The following ATP8A2 variants were observed in gnomAD, a reference collection of about 807,000 sequenced individuals.
ATP8A2 encodes the protein phospholipid-transporting ATPase IB.
A neutral mutation model predicts 165.6 loss-of-function variants in ATP8A2; 100 were observed. The ratio of observed to expected loss-of-function variants is 0.60; its 90% CI spans 0.51 to 0.71. The LOEUF is 0.71. Among genes scored for constraint, ATP8A2 ranks in the 30% least tolerant of loss-of-function variants. ATP8A2 has a pLI of 0.00. For missense variants in ATP8A2, 1,227 were observed against 1,479.5 expected (o/e 0.83, Z 2.80); for synonymous variants, 543 against 548.8 (o/e 0.99, Z 0.15).
chr13:25,450,960 T>C (rs1380244081), intron 1 of ATP8A2, among the ~76,000 whole-genome samples: 1 of 152,106 alleles, frequency 6.6e-6, no homozygotes, highest in Non-Finnish European at 1.5e-5. Context: ...TTGGTGATCA[T>C]TGAGCTTCTG....
At chr13:25,781,227 CCACTG>C (rs1204889399) in intron 27 of ATP8A2, among the ~76,000 whole-genome samples, 1 of 152,084 alleles carries the variant, frequency 6.6e-6, no homozygotes, top group African/African-American at 2.4e-5. Flanking sequence ...CGAGATCGTG[CCACTG>C]CACTCCAGCC....
intron 27 of ATP8A2, among the ~76,000 whole-genome samples, chr13:25,821,758 A>G (rs536948569): frequency 6.6e-6 from 1 of 152,314 alleles, no homozygotes; most frequent in African/African-American, 2.4e-5. Flanking sequence ...TGGGCCTTGT[A>G]GGATGTTTAG....
chr13:25,966,908 A>G (rs2139203609), intron 34 of ATP8A2, among the ~76,000 whole-genome samples: 1 of 152,190 alleles, frequency 6.6e-6, no homozygotes, highest in Admixed American at 6.5e-5. Flanking sequence ...GGGAAAGGGG[A>G]TAGGGAGAGA....
At chr13:25,782,906 A>AT (rs2044919906) in intron 27 of ATP8A2, among the ~76,000 whole-genome samples, 1 of 151,740 alleles carries the variant, frequency 6.6e-6, no homozygotes, top group African/African-American at 2.4e-5. Flanking sequence ...CACCTGGCTA[A>AT]TTTTTTGTAT....
At chr13:25,736,564 C>T (rs1305286971) in intron 25 of ATP8A2, among the ~76,000 whole-genome samples, 1 of 152,128 alleles carries the variant, frequency 6.6e-6, no homozygotes, top group South Asian at 2.1e-4. Context: ...AATGAAGGGT[C>T]AGTGTAACTT....
At chr13:25,728,332 G>T (rs2043539866) in intron 25 of ATP8A2, among the ~76,000 whole-genome samples, 1 of 152,156 alleles carries the variant, frequency 6.6e-6, no homozygotes, top group South Asian at 2.1e-4. Flanking sequence ...TTTCTCATGG[G>T]TGAAGTGAGG....
At chr13:25,603,225 C>T (rs563446353) in intron 24 of ATP8A2, among the ~76,000 whole-genome samples, 7 of 151,686 alleles carry the variant, frequency 4.6e-5, no homozygotes, top group African/African-American at 1.2e-4. Flanking sequence ...CGGTGGCTCA[C>T]GCCTGTAATC....
rs988473489 is a variant in ATP8A2, at chr13:25,897,775, T to A, written c.3183+35367T>A. The stretch of plus-strand genomic sequence containing the variant: ...CTCTAAACTTCTCTTCACGCTTCAT[T>A]TCATTCATTTCATCTTCCATCGCTG... On this transcript the variant is annotated intron_variant, in intron 33 of 36. Transcript: ENST00000381655. 7.9e-5 allele frequency among the ~76,000 whole-genome samples: 12 copies of A among 152,344 alleles called. 1 individual carries two copies. In the East Asian group the frequency reaches 1.2e-3, roughly 15 times the overall value.
At chr13:25,864,405 G>A (rs1202574043) in intron 33 of ATP8A2, among the ~76,000 whole-genome samples, 1 of 152,196 alleles carries the variant, frequency 6.6e-6, no homozygotes, top group Non-Finnish European at 1.5e-5. Context: ...CTCCCATCGA[G>A]ATACCGACTT....
chr13:25,408,336 T>C (rs2138049358), intron 1 of ATP8A2, among the ~76,000 whole-genome samples: 1 of 151,606 alleles, frequency 6.6e-6, no homozygotes, highest in African/African-American at 2.4e-5. Context: ...GAGGTTGCAG[T>C]GAGCCGAGAT....
intron 10 of ATP8A2, among the ~76,000 whole-genome samples, chr13:25,549,167 A>T (rs1382710151): frequency 2.0e-5 from 3 of 152,104 alleles, no homozygotes; most frequent in Non-Finnish European, 4.4e-5. Flanking sequence ...GTCTCTTAAA[A>T]GTCCGGGCCC....
chr13:25,459,225 C>T (rs2035441940), intron 1 of ATP8A2, among the ~76,000 whole-genome samples: 1 of 152,216 alleles, frequency 6.6e-6, no homozygotes, highest in Non-Finnish European at 1.5e-5. Context: ...ATACCACTTA[C>T]TTAAACTTTT....
intron 30 of ATP8A2, among the ~76,000 whole-genome samples, chr13:25,850,322 T>C (rs1220922720): frequency 6.6e-6 from 1 of 152,196 alleles, no homozygotes; most frequent in African/African-American, 2.4e-5. Flanking sequence ...ATTTCTTTAT[T>C]TATAGAGACT....
intron 25 of ATP8A2, among the ~76,000 whole-genome samples, chr13:25,702,157 A>G (rs2042965019): frequency 1.3e-5 from 2 of 152,182 alleles, no homozygotes; most frequent in Non-Finnish European, 2.9e-5. Flanking sequence ...TTCAAAATAT[A>G]ATAGTTGTGA....
chr13:25,794,353 C>T (rs1950453594), intron 27 of ATP8A2, among the ~76,000 whole-genome samples: 2 of 152,220 alleles, frequency 1.3e-5, no homozygotes, highest in Admixed American at 1.3e-4. Flanking sequence ...AGGAGCAATA[C>T]ACAGAATACA....
At chr13:25,480,315 C>A (rs559308169) in intron 2 of ATP8A2, among the ~76,000 whole-genome samples, 59 of 151,520 alleles carry the variant, frequency 3.9e-4, no homozygotes, top group African/African-American at 1.4e-3. Flanking sequence ...ACCTCCCTCC[C>A]GGACGGGGCG....
At chr13:25,968,807 T>A (rs1955847168) in intron 35 of ATP8A2, 128 bp downstream of exon 35, 2 of 722,588 alleles carry the variant, frequency 2.8e-6, no homozygotes, top group Non-Finnish European at 4.6e-6. Flanking sequence ...CTTAAGAATT[T>A]TGGTTATTCT....
intron 24 of ATP8A2, among the ~76,000 whole-genome samples, chr13:25,690,149 G>A (rs998970926): frequency 6.7e-5 from 10 of 149,470 alleles, no homozygotes; most frequent in Non-Finnish European, 1.0e-4. Context: ...TTTTAACCTC[G>A]ATTTGAGCCC....
intron 27 of ATP8A2, among the ~76,000 whole-genome samples, chr13:25,813,181 C>G (rs1194970089): frequency 1.3e-5 from 2 of 151,896 alleles, no homozygotes; most frequent in East Asian, 3.9e-4. Context: ...TGTAACAAAC[C>G]TGCACATCCT....
Sources: allele counts gnomAD v4.1 joint callset (sites outside exome capture counted in the v4.1 genomes callset), GRCh38; gene constraint gnomAD v4.1.1; transcripts MANE v1.5; gene names NCBI Gene and HGNC (gene_info 2026-07-23, HGNC 2026-07-21).